COA6: variants seen among roughly 807,000 people sequenced by gnomAD.
The protein encoded by COA6 is cytochrome c oxidase assembly factor 6 homolog.
A neutral mutation model predicts 17.1 loss-of-function variants in COA6; 12 were observed. That is an observed-to-expected ratio of 0.70 (90% CI 0.45 to 1.14). COA6 has a LOEUF of 1.14. Ranked by LOEUF, COA6 falls within the 50% of genes most tolerant of loss-of-function variation. The pLI, the probability that COA6 is intolerant of heterozygous loss-of-function variation, is 0.00. For synonymous variants in COA6, 90 were observed against 73.4 expected (o/e 1.23, Z -1.16); for missense variants, 246 against 196.5 (o/e 1.25, Z -1.51).
chr1:234,379,642 A>G (rs911947499), intron 2 of COA6, among the ~76,000 whole-genome samples: 35 of 152,204 alleles, frequency 2.3e-4, no homozygotes, highest in African/African-American at 7.7e-4. Flanking sequence ...TTACAAAGGA[A>G]AGAGGTTTAA....
intron 2 of COA6, among the ~76,000 whole-genome samples, chr1:234,375,704 A>C (rs1013761008): frequency 4.6e-5 from 7 of 152,136 alleles, no homozygotes; most frequent in South Asian, 2.1e-4. Context: ...CCCTGGCTTG[A>C]GTGTAGTGGC....
At position 234,373,728 on chromosome 1, in the gene COA6, G is replaced by A. The variant is rs1316985698; in HGVS notation, c.212+50G>A. 1 of 1,613,816 alleles carries A rather than the reference G, an allele frequency of 6.2e-7. No individual in the cohort carries two copies. Among genetic ancestry groups the A allele is most frequent in the African/African-American group, 1.3e-5 (1 of 74,940 alleles). ...GGGGCGCGCGTGGACTATGGGCCCGGGAGGTCCCTTACTGTCCCCGAGCCG... is the reference window on the plus strand; with the variant it reads ...GGGGCGCGCGTGGACTATGGGCCCGAGAGGTCCCTTACTGTCCCCGAGCCG... On this transcript the variant is annotated intron_variant, in intron 1 of 2. Coordinates refer to ENST00000366615, the MANE Select transcript of COA6 (RefSeq NM_001206641.3).
At chr1:234,380,264 G>A (rs866679071) in intron 2 of COA6, among the ~76,000 whole-genome samples, 4 of 152,184 alleles carry the variant, frequency 2.6e-5, no homozygotes, top group Non-Finnish European at 5.9e-5. Context: ...TGTGCATAAG[G>A]GTGGGGAGGC....
chr1:234,374,413 C>T, intron 2 of COA6, 24 bp downstream of exon 2: 1 of 1,612,516 alleles, frequency 6.2e-7, no homozygotes, highest in Non-Finnish European at 8.5e-7. Context: ...TGATGTGTTT[C>T]TCTTCCCTGT....
chr1:234,383,595 C>T, intron 2 of COA6, 128 bp from the exon 3 acceptor site: 1 of 590,710 alleles, frequency 1.7e-6, no homozygotes, highest in Non-Finnish European at 3.0e-6. Flanking sequence ...CACACACACA[C>T]ACAAAATGGT....
intron 2 of COA6, among the ~76,000 whole-genome samples, chr1:234,378,469 GT>G (rs1301054222): frequency 3.3e-5 from 5 of 152,154 alleles, no homozygotes; most frequent in African/African-American, 1.2e-4. Context: ...GTCAAGAAAG[GT>G]TTTATTTATA....
At chr1:234,381,645 T>C (rs995063719) in intron 2 of COA6, among the ~76,000 whole-genome samples, 4 of 152,180 alleles carry the variant, frequency 2.6e-5, no homozygotes, top group African/African-American at 9.7e-5. Context: ...GAATTAAGGA[T>C]GGTTGAGCCT....
At chr1:234,374,800 TATAAA>T (rs1377773754) in intron 2 of COA6, among the ~76,000 whole-genome samples, 1 of 152,026 alleles carries the variant, frequency 6.6e-6, no homozygotes, top group Non-Finnish European at 1.5e-5. Context: ...ATACCCAAAA[TATAAA>T]GAAAGGAGTT....
At chr1:234,383,456 A>G (rs1431329631) in intron 2 of COA6, among the ~76,000 whole-genome samples, 4 of 152,048 alleles carry the variant, frequency 2.6e-5, no homozygotes, top group Non-Finnish European at 5.9e-5. Flanking sequence ...TACTGGGTGC[A>G]GCACACCAAC....
At position 234,383,777 on chromosome 1, in the gene COA6, G is replaced by T. The variant is rs1558127165; in HGVS notation, c.427G>T (p.Ala143Ser). Residue 143 changes from alanine (A) to serine (S), a missense_variant, in exon 3 of 3, where the codon GCA becomes TCA. Physicochemically the swap from Ala to Ser is moderately conservative, Grantham distance 99. Coordinates refer to ENST00000366615, the MANE Select transcript of COA6 (RefSeq NM_001206641.3). ...DYLKFKEKFE[A>S]GQFEPSETTA... ...CTTAAAATTCAAAGAAAAATTTGAAGCAGGACAATTTGAGCCTTCAGAAAC... is the reference window on the plus strand; with the variant it reads ...CTTAAAATTCAAAGAAAAATTTGAATCAGGACAATTTGAGCCTTCAGAAAC... 1 of 1,577,370 alleles carries T rather than the reference G, an allele frequency of 6.3e-7. No homozygotes were observed. The highest frequency in any genetic ancestry group is 1.7e-5 in the Admixed American group (1 of 58,760).
At chr1:234,380,463 G>A (rs1205243620) in intron 2 of COA6, among the ~76,000 whole-genome samples, 1 of 152,130 alleles carries the variant, frequency 6.6e-6, no homozygotes, top group African/African-American at 2.4e-5. Context: ...AGTAGAGAGA[G>A]GATTTGAATG....
intron 2 of COA6, among the ~76,000 whole-genome samples, chr1:234,383,290 C>G (rs1030208739): frequency 2.8e-4 from 41 of 148,242 alleles, no homozygotes; most frequent in Non-Finnish European, 5.5e-4. Flanking sequence ...GTACTCTCCT[C>G]AGAGACTTTT....
In COA6 at chr1:234,373,588, G is replaced by A. The variant is rs113294015; in HGVS notation, c.122G>A (p.Arg41Gln). 1.9e-6 allele frequency: 3 copies of A among 1,612,208 alleles called. No individual in the cohort carries two copies. In the South Asian group the frequency reaches 3.3e-5, roughly 18 times the overall value. The change falls in exon 1 of 3, where the codon CGG (arginine) becomes CAG (glutamine). Residue 41 changes from arginine to glutamine, a missense_variant. Physicochemically the swap from Arg to Gln is conservative, Grantham distance 43. Transcript: ENST00000366615. The stretch of plus-strand genomic sequence containing the variant: ...GGGCGACCCTGCAGTGGCAGGACTC[G>A]GCACCGCGCCCTCCACCGCCGGTTG... The part of the protein sequence containing the change: ...PAGRPCSGRT[R>Q]HRALHRRLVA...
chr1:234,383,649 C>A, intron 2 of COA6, 74 bp from the exon 3 acceptor site: 1 of 667,570 alleles, frequency 1.5e-6, no homozygotes. Context: ...TAATATGTTA[C>A]ATTTAAATCT....
rs752001515 is a variant in COA6 at position 234,373,511 on chromosome 1, G to A, written c.45G>A (p.Val15=). The A allele has an allele frequency of 7.5e-6, 12 of 1,607,164 alleles. No homozygotes were observed. In the Admixed American group the frequency reaches 1.9e-4, roughly 25 times the overall value. ...AAAAGAGTCCGCGGTTTCGCCGCGT[G>A]AGTTGCTTTTTGCGGCTGGGGAGGT... ...KGQKSPRFRR[V]SCFLRLGRST... Residue 15 remains valine (V), a synonymous_variant, in exon 1 of 3, where the codon GTG becomes GTA. Coordinates refer to ENST00000366615, the MANE Select transcript of COA6 (RefSeq NM_001206641.3).
At chr1:234,376,966 G>A (rs1219562515) in intron 2 of COA6, among the ~76,000 whole-genome samples, 1 of 151,998 alleles carries the variant, frequency 6.6e-6, no homozygotes, top group African/African-American at 2.4e-5. Flanking sequence ...TAGTGTTGGA[G>A]GCTGGAGGTC....
rs148669919 is a variant in COA6 at position 234,381,447 on chromosome 1, A to G, written c.373-2276A>G. ...GAGCATGGGGTAGCTCTGTAGGACA[A>G]ACAGTTCAGGGACTGCTGGTGAATT... On this transcript the variant is annotated intron_variant, in intron 2 of 2. Coordinates refer to ENST00000366615, the MANE Select transcript of COA6 (RefSeq NM_001206641.3). Among the ~76,000 whole-genome samples the G allele has an allele frequency of 8.3e-4, 126 of 152,322 alleles. 1 individual carries two copies. Among genetic ancestry groups the G allele is most frequent in the South Asian group, 3.7e-3 (18 of 4,822 alleles).
At chr1:234,373,715 G>T (rs747037320) in intron 1 of COA6, 37 bp downstream of exon 1, 1 of 1,613,798 alleles carries the variant, frequency 6.2e-7, no homozygotes, top group South Asian at 1.1e-5. Context: ...GGCGCGCGTG[G>T]ACTATGGGCC....
At chr1:234,383,573 GACAC>G (rs60042887) in intron 2 of COA6, 146 bp from the exon 3 acceptor site, 163 of 471,700 alleles carry the variant, frequency 3.5e-4, no homozygotes, top group Middle Eastern at 1.8e-3. Flanking sequence ...AGTTACAGCT[GACAC>G]ACACACACAC....
Sources: gnomAD v4.1 joint callset for allele counts (sites outside exome capture counted in the v4.1 genomes callset) on GRCh38, gnomAD v4.1.1 for gene constraint, MANE v1.5 for transcripts, NCBI Gene and HGNC (gene_info 2026-07-23, HGNC 2026-07-21) for gene names.